ASB18: variants seen among roughly 807,000 people sequenced by gnomAD.
ASB18 encodes the protein ankyrin repeat and SOCS box protein 18.
Under a neutral mutation model 33.4 loss-of-function variants are expected in ASB18, and 33 were observed. The observed-to-expected ratio is 0.99, with a 90% CI of 0.75 to 1.32. The LOEUF (loss-of-function observed/expected upper bound fraction) is 1.32. Among genes scored for constraint, ASB18 ranks in the 40% most tolerant of loss-of-function variants. The probability of loss-of-function intolerance (pLI) is 0.00; values close to 1 mark genes in which losing one functional copy is unlikely to be tolerated. For missense variants in ASB18, 694 were observed against 655.5 expected (o/e 1.06, Z -0.64); for synonymous variants, 295 against 307.6 (o/e 0.96, Z 0.43).
In ASB18 at chr2:236,207,819, C is replaced by CT. The variant is rs36109128; in HGVS notation, c.1101+6542dup. On this transcript the variant is annotated intron_variant, in intron 4 of 5. Coordinates refer to ENST00000409749, the MANE Select transcript of ASB18 (RefSeq NM_212556.4). ...CAGGCTTCCCCCACTGCCTGGCTGA[C>CT]TTTTTTTTTTTTTTTTTGGTAATGT... Among the ~76,000 whole-genome samples the CT allele has an allele frequency of 2.6e-3, 353 of 135,150 alleles. 1 individual carries two copies. The highest frequency in any genetic ancestry group is 6.2e-3 in the African/African-American group (219 of 35,542). The allele number at this position is 135,150 out of a possible 152,430, so 88.7% of individuals were successfully genotyped here. A position where few individuals can be genotyped will look rare whatever the true frequency, so the allele number is the denominator to read the frequency against.
rs2060524161 is a variant in ASB18, at chr2:236,223,859, T to A, written c.597-8993A>T. On this transcript the variant is annotated intron_variant, in intron 3 of 5. Transcript: ENST00000409749. The surrounding 1 kb of genome is among the most constrained non-coding windows in gnomAD (Gnocchi z 4.6). ...GTTGCCTGCATGGAGTAATTCATTC[T>A]TTTTTTAAATTGCTGAGTCATATTC... is the stretch of plus-strand genomic sequence containing the variant. Among the ~76,000 whole-genome samples the A allele has an allele frequency of 6.6e-6, 1 of 152,218 alleles. No homozygotes were observed. Among genetic ancestry groups the A allele is most frequent in the African/African-American group, 2.4e-5 (1 of 41,446 alleles).
At chr2:236,199,411 CAAAA>C (rs368012989) in intron 4 of ASB18, among the ~76,000 whole-genome samples, 1 of 113,158 alleles carries the variant, frequency 8.8e-6, no homozygotes. Context: ...GACTCTGTTT[CAAAA>C]AAAAAAAAAA....
intron 4 of ASB18, among the ~76,000 whole-genome samples, chr2:236,201,254 C>T (rs1180021921): frequency 2.0e-5 from 3 of 152,034 alleles, no homozygotes; most frequent in African/African-American, 4.8e-5. Context: ...TGGACTGAAG[C>T]GAACCTCCCA....
In ASB18 at chr2:236,239,741, A is replaced by G. The variant is rs1314090919; in HGVS notation, c.328+1539T>C. On this transcript the variant is annotated intron_variant, in intron 2 of 5. Transcript: ENST00000409749. This position sits in a 1 kb window ranked among gnomAD's most constrained non-coding sequence, Gnocchi z 5.6. ...TACTCAGATCAATCCCTTCCCCACCAGGGGAGCTGGAATTGGCCACCGGGA... is the reference window on the plus strand; with the variant it reads ...TACTCAGATCAATCCCTTCCCCACCGGGGGAGCTGGAATTGGCCACCGGGA... Among the ~76,000 whole-genome samples, 2 of 152,170 alleles carry G rather than the reference A, an allele frequency of 1.3e-5. No individual in the cohort carries two copies. Among genetic ancestry groups the G allele is most frequent in the Non-Finnish European group, 2.9e-5 (2 of 68,030 alleles).
chr2:236,237,828 G>C lies in ASB18; in HGVS notation c.457C>G (p.Arg153Gly). 1 of 1,374,052 alleles carries C rather than the reference G, an allele frequency of 7.3e-7. No individual in the cohort carries two copies. The highest frequency in any genetic ancestry group is 9.3e-7 in the Non-Finnish European group (1 of 1,074,898). The allele number at this position is 1,374,052 out of a possible 1,614,324, so 85.1% of individuals were successfully genotyped here. ...GADPDASPGG[R>G]GALHEACLGG... is the part of the protein sequence containing the mutation. ...AGGCAGGCCTCGTGCAGGGCGCCGC[G>C]GCCGCCGGGGCTGGCGTCTGGGTCT... is the stretch of plus-strand genomic sequence containing the variant. Residue 153 changes from arginine (R) to glycine (G), a missense_variant, in exon 3 of 6, where the codon CGC becomes GGC. Physicochemically the swap from Arg to Gly is moderately radical, Grantham distance 125. Transcript: ENST00000409749. This position sits in a 1 kb window ranked among gnomAD's most constrained non-coding sequence, Gnocchi z 6.2.
At chr2:236,227,414 A>C (rs1427156115) in intron 3 of ASB18, among the ~76,000 whole-genome samples, 1 of 152,234 alleles carries the variant, frequency 6.6e-6, no homozygotes, top group Non-Finnish European at 1.5e-5. Context: ...GCTCCTTACT[A>C]TATGCTAGGT....
Position 236,205,219 on chromosome 2 carries a change from C to G in ASB18, c.1102-8834G>C, listed in dbSNP as rs2060427262. Among the ~76,000 whole-genome samples, 1 of 152,212 alleles carries G rather than the reference C, an allele frequency of 6.6e-6. No individual in the cohort carries two copies. Among genetic ancestry groups the G allele is most frequent in the South Asian group, 2.1e-4 (1 of 4,828 alleles). On this transcript the variant is annotated intron_variant, in intron 4 of 5. Transcript: ENST00000409749. The surrounding 1 kb of genome is among the most constrained non-coding windows in gnomAD (Gnocchi z 5.4). ...CAATGTCCTGTAAGACCCCACACAA[C>G]CTGTGCCCTCTCCCTTACCACCCCT...
chr2:236,258,785 T>A (rs556037784), intron 1 of ASB18, among the ~76,000 whole-genome samples: 10 of 152,296 alleles, frequency 6.6e-5, no homozygotes, highest in Admixed American at 2.6e-4. Flanking sequence ...GCTGGTGAGA[T>A]CTCTTAATAA....
In ASB18 at chr2:236,225,841, A is replaced by C. The variant is rs1358803456; in HGVS notation, c.597-10975T>G. On this transcript the variant is annotated intron_variant, in intron 3 of 5. Transcript: ENST00000409749. This position sits in a 1 kb window ranked among gnomAD's most constrained non-coding sequence, Gnocchi z 5.1. ...AGGAACTCAGAGACTCAAAGGTTTT[A>C]AAGTCCTGTGCCCATGGCGAATTGC... Among the ~76,000 whole-genome samples the C allele has an allele frequency of 6.6e-6, 1 of 152,024 alleles. No individual in the cohort carries two copies. Among genetic ancestry groups the C allele is most frequent in the Admixed American group, 6.6e-5 (1 of 15,258 alleles).
rs2060737131 is a variant in ASB18 at position 236,264,374 on chromosome 2, C to T, written c.-29G>A. The T allele has an allele frequency of 6.3e-7, 1 of 1,593,254 alleles. No homozygotes were observed. The highest frequency in any genetic ancestry group is 8.6e-7 in the Non-Finnish European group (1 of 1,161,336). The stretch of plus-strand genomic sequence containing the variant: ...TACGTCGTTTCTGCAGTGACCAGCC[C>T]TTCTTTTCTTCCTCTAAAGCGACTC... On this transcript the variant is annotated 5_prime_UTR_variant, in exon 1 of 6. Transcript: ENST00000409749. This position sits in a 1 kb window ranked among gnomAD's most constrained non-coding sequence, Gnocchi z 5.1.
In ASB18 at chr2:236,244,008, G is replaced by C. The variant is rs1352636409; in HGVS notation, c.206-2606C>G. On this transcript the variant is annotated intron_variant, in intron 1 of 5. Transcript: ENST00000409749. This position sits in a 1 kb window ranked among gnomAD's most constrained non-coding sequence, Gnocchi z 6.1. ...AACCCAGCTAATTTTTTAATTTTTA[G>C]TAGAGACAGGGTTTCACCTTGTTGG... is the stretch of plus-strand genomic sequence containing the variant. Among the ~76,000 whole-genome samples, 1 of 152,166 alleles carries C rather than the reference G, an allele frequency of 6.6e-6. No individual in the cohort carries two copies. The highest frequency in any genetic ancestry group is 6.5e-5 in the Admixed American group (1 of 15,282).
Position 236,242,615 on chromosome 2 carries a change from C to A in ASB18, c.206-1213G>T, listed in dbSNP as rs114726624. 9.1e-3 allele frequency among the ~76,000 whole-genome samples: 1,388 copies of A among 152,266 alleles called. 34 individuals are homozygous for A. Among genetic ancestry groups the A allele is most frequent in the African/African-American group, 0.032 (1,322 of 41,570 alleles). ...GATTACAGGCATGTGCATATCACCA[C>A]GCCCTGCTAATTTTTTTTTAAATTA... On this transcript the variant is annotated intron_variant, in intron 1 of 5. Transcript: ENST00000409749.
rs1002586229 is a variant in ASB18, at chr2:236,219,741, G to A, written c.597-4875C>T. On this transcript the variant is annotated intron_variant, in intron 3 of 5. Transcript: ENST00000409749. This position sits in a 1 kb window ranked among gnomAD's most constrained non-coding sequence, Gnocchi z 6.4. Reference sequence around the variant, plus strand: ...GGAAAGCATCCCTGAAGCCTTTGCAGGTCTATGTCTGGGACCCAGCCTTGG... The same window carrying A: ...GGAAAGCATCCCTGAAGCCTTTGCAAGTCTATGTCTGGGACCCAGCCTTGG... Among the ~76,000 whole-genome samples the A allele has an allele frequency of 1.3e-5, 2 of 152,116 alleles. No individual in the cohort carries two copies. The highest frequency in any genetic ancestry group is 4.8e-5 in the African/African-American group (2 of 41,420).
chr2:236,236,898 T>A (rs941070642), intron 3 of ASB18, among the ~76,000 whole-genome samples: 1 of 152,070 alleles, frequency 6.6e-6, no homozygotes, highest in African/African-American at 2.4e-5. Flanking sequence ...GCATTTTGAC[T>A]AACAGAAAAG....
chr2:236,222,531 T>G lies in ASB18; in HGVS notation c.597-7665A>C, dbSNP rs1289715692. Among the ~76,000 whole-genome samples, 1 of 152,222 alleles carries G rather than the reference T, an allele frequency of 6.6e-6. No homozygotes were observed. On this transcript the variant is annotated intron_variant, in intron 3 of 5. Transcript: ENST00000409749. The surrounding 1 kb of genome is among the most constrained non-coding windows in gnomAD (Gnocchi z 5.5). ...AAGATTTGTACAGTCAGCTCCACTG[T>G]GTGCCCCATGATATAGTTTGGATAT...
rs1454533697 is a variant in ASB18 at position 236,262,046 on chromosome 2, G to A, written c.205+2095C>T. Reference sequence around the variant, plus strand: ...GTGGGGACACAGCCAAACCATATCAGTATGTAATTTATAACTGTGGAAGGA... The same window carrying A: ...GTGGGGACACAGCCAAACCATATCAATATGTAATTTATAACTGTGGAAGGA... On this transcript the variant is annotated intron_variant, in intron 1 of 5. Coordinates refer to ENST00000409749, the MANE Select transcript of ASB18 (RefSeq NM_212556.4). The surrounding 1 kb of genome is among the most constrained non-coding windows in gnomAD (Gnocchi z 5.2). 1.3e-5 allele frequency among the ~76,000 whole-genome samples: 2 copies of A among 152,222 alleles called. No homozygotes were observed. The highest frequency in any genetic ancestry group is 3.8e-4 in the East Asian group (2 of 5,198).
chr2:236,215,164 T>C lies in ASB18; in HGVS notation c.597-298A>G, dbSNP rs942215096. On this transcript the variant is annotated intron_variant, in intron 3 of 5. Transcript: ENST00000409749. This position sits in a 1 kb window ranked among gnomAD's most constrained non-coding sequence, Gnocchi z 7.2. ...CTTGGAGCTTCCTGGGAAGGTGATG[T>C]GGTTCAAATGACGGTGCTCCATGCA... 1.1e-4 allele frequency among the ~76,000 whole-genome samples: 17 copies of C among 152,208 alleles called. No individual in the cohort carries two copies. Among genetic ancestry groups the C allele is most frequent in the African/African-American group, 4.1e-4 (17 of 41,534 alleles).
At position 236,253,535 on chromosome 2, in the gene ASB18, CTTATTATTATTATTA is replaced by C. The variant is rs56904956; in HGVS notation, c.205+10591_205+10605del. Reference sequence around the variant, plus strand: ...GGGACTACAGCCACTTGCTGGTTAACTTATTATTATTATTATTATTATTATTATTGTGGTGGGAGA... The same window carrying C: ...GGGACTACAGCCACTTGCTGGTTAACTTATTATTATTATTGTGGTGGGAGA... On this transcript the variant is annotated intron_variant, in intron 1 of 5. Transcript: ENST00000409749. The surrounding 1 kb of genome is among the most constrained non-coding windows in gnomAD (Gnocchi z 5.4). Among the ~76,000 whole-genome samples, 2 of 146,118 alleles carry C rather than the reference CTTATTATTATTATTA, an allele frequency of 1.4e-5. No homozygotes were observed. The highest frequency in any genetic ancestry group is 3.0e-5 in the Non-Finnish European group (2 of 66,498).
chr2:236,248,114 G>C lies in ASB18; in HGVS notation c.206-6712C>G, dbSNP rs1482756881. ...GGAAACAGTGCGAGTCTTTCTTTAG[G>C]AAACTCTGGCTAAATAATGTGAACT... On this transcript the variant is annotated intron_variant, in intron 1 of 5. Transcript: ENST00000409749. The surrounding 1 kb of genome is among the most constrained non-coding windows in gnomAD (Gnocchi z 4.9). The C allele has an allele frequency of 2.6e-5, 4 of 152,154 alleles. No homozygotes were observed. Among genetic ancestry groups the C allele is most frequent in the African/African-American group, 4.8e-5 (2 of 41,432 alleles). The allele number at this position is 152,154 out of a possible 1,614,324, so 9.4% of individuals were successfully genotyped here. A position where few individuals can be genotyped will look rare whatever the true frequency, so the allele number is the denominator to read the frequency against.
Sources: allele counts gnomAD v4.1 joint callset (sites outside exome capture counted in the v4.1 genomes callset), GRCh38; gene constraint gnomAD v4.1.1; non-coding constraint Gnocchi (gnomAD v3.1); transcripts MANE v1.5; gene names NCBI Gene and HGNC (gene_info 2026-07-23, HGNC 2026-07-21).